The following MEN1 variants were observed in gnomAD, a reference collection of about 807,000 sequenced individuals.
MEN1 encodes the protein menin 1.
Under a neutral mutation model 58.0 loss-of-function variants are expected in MEN1, and 6 were observed. The observed-to-expected ratio is 0.10, with a 90% CI of 0.06 to 0.20. The LOEUF (loss-of-function observed/expected upper bound fraction) is 0.20. Among genes scored for constraint, MEN1 ranks in the 10% least tolerant of loss-of-function variants. The probability of loss-of-function intolerance (pLI) is 1.00; values close to 1 mark genes in which losing one functional copy is unlikely to be tolerated. For missense variants in MEN1, 492 were observed against 818.5 expected (o/e 0.60, Z 4.87); for synonymous variants, 346 against 350.7 (o/e 0.99, Z 0.15).
chr11:64,807,230 AAGG>A lies in MEN1; in HGVS notation c.784-14_784-12del. On this transcript the variant is annotated splice_polypyrimidine_tract_variant and intron_variant, in intron 4 of 9. Transcript: ENST00000450708. This position sits in a 1 kb window ranked among gnomAD's most constrained non-coding sequence, Gnocchi z 4.9. ...CAGCCAGAGCAGCTTCTAGGAGCCG[AAGG>A]AGAGAGTTATGAGCCACGGAACAGG... The A allele has an allele frequency of 6.2e-7, 1 of 1,612,550 alleles. No individual in the cohort carries two copies. Among genetic ancestry groups the A allele is most frequent in the Non-Finnish European group, 8.5e-7 (1 of 1,179,750 alleles).
intron 2 of MEN1, among the ~76,000 whole-genome samples, chr11:64,809,257 C>T (rs922378570): frequency 1.0e-5 from 1 of 95,412 alleles, no homozygotes; most frequent in African/African-American, 3.5e-5. Flanking sequence ...GAGTGAGACC[C>T]TGTCTCAAAA....
chr11:64,806,081 A>T, intron 7 of MEN1, 151 bp downstream of exon 7: 1 of 993,850 alleles, frequency 1.0e-6, no homozygotes, highest in Non-Finnish European at 1.5e-6. Flanking sequence ...CAGGGTCCCT[A>T]CCTCCTGGGT....
At chr11:64,810,372 C>T in intron 1 of MEN1, 142 bp downstream of exon 1, 1 of 548,110 alleles carries the variant, frequency 1.8e-6, no homozygotes. Flanking sequence ...GCGCCCCAAG[C>T]ACCCCAATGA....
intron 6 of MEN1, among the ~76,000 whole-genome samples, chr11:64,806,756 G>A (rs1941759063): frequency 6.6e-6 from 1 of 152,156 alleles, no homozygotes; most frequent in South Asian, 2.1e-4. Context: ...TATACTCCAG[G>A]AAGGACAGTA....
rs150202288 is a variant in MEN1, at chr11:64,804,627, G to T, written c.1540C>A (p.Pro514Thr). The T allele has an allele frequency of 1.3e-5, 21 of 1,606,582 alleles. No homozygotes were observed. The highest frequency in any genetic ancestry group is 1.6e-5 in the Non-Finnish European group (19 of 1,178,128). Reference sequence around the variant, plus strand: ...ACAGTCCCAGGAGGCTTCCGGGGGGGTCCTGACACTGCACCCTGGCCGGTG... The same window carrying T: ...ACAGTCCCAGGAGGCTTCCGGGGGGTTCCTGACACTGCACCCTGGCCGGTG... ...LGTGQGAVSG[P>T]PRKPPGTVAG... The change falls in exon 10 of 10, where the codon CCC becomes ACC. Residue 514 changes from proline (P) to threonine (T), a missense_variant. Physicochemically the swap from Pro to Thr is conservative, Grantham distance 38 (BLOSUM62 -1). Transcript: ENST00000450708. This position sits in a 1 kb window ranked among gnomAD's most constrained non-coding sequence, Gnocchi z 4.2.
chr11:64,810,145 C>G lies in MEN1; in HGVS notation c.-23-13G>C, dbSNP rs757883651. 8 of 890,602 alleles carry G rather than the reference C, an allele frequency of 9.0e-6. No individual in the cohort carries two copies. The highest frequency in any genetic ancestry group is 4.6e-5 in the Admixed American group (2 of 43,168). The allele number at this position is 890,602 out of a possible 1,614,324, so 55.2% of individuals were successfully genotyped here. On this transcript the variant is annotated splice_polypyrimidine_tract_variant and intron_variant, in intron 1 of 9. Coordinates refer to ENST00000450708, the MANE Select transcript of MEN1 (RefSeq NM_001370259.2). ...GGTGGGCGGCGGCCTGCAAGGCAAGCCGGGGGAGGGAGGGTCGGGCAGGTT... is the reference window on the plus strand; with the variant it reads ...GGTGGGCGGCGGCCTGCAAGGCAAGGCGGGGGAGGGAGGGTCGGGCAGGTT...
chr11:64,807,008 C>T lies in MEN1; in HGVS notation c.912+3G>A. The T allele has an allele frequency of 1.2e-6, 2 of 1,612,572 alleles. No individual in the cohort carries two copies. Among genetic ancestry groups the T allele is most frequent in the Non-Finnish European group, 1.7e-6 (2 of 1,179,872 alleles). On this transcript the variant is annotated splice_donor_region_variant and intron_variant, in intron 6 of 9. Transcript: ENST00000450708. The surrounding 1 kb of genome is among the most constrained non-coding windows in gnomAD (Gnocchi z 4.9). ...CTTCTGCACCCTCCTTAGATGCCCC[C>T]ACCTTGTGGTAGAGGGTGAGTGGGT...
chr11:64,808,140 T>G lies in MEN1; in HGVS notation c.446-41A>C, dbSNP rs767395130. On this transcript the variant is annotated intron_variant, in intron 2 of 9. Coordinates refer to ENST00000450708, the MANE Select transcript of MEN1 (RefSeq NM_001370259.2). ...GTAATGAAAGAGGGTCCTCTGTGCT[T>G]TAACATGGGGAAAGGGGGCCAGGTA... The G allele has an allele frequency of 2.9e-5, 45 of 1,550,090 alleles. No individual in the cohort carries two copies. In the Middle Eastern group the frequency reaches 2.0e-3, roughly 69 times the overall value.
At position 64,807,519 on chromosome 11, in the gene MEN1, A is replaced by G. The variant is rs778673727; in HGVS notation, c.783+33T>C. 3 of 1,613,182 alleles carry G rather than the reference A, an allele frequency of 1.9e-6. No homozygotes were observed. ...TCCCACAGCAAGTCAAGTCTGGCCT[A>G]GCCCAGTCCTGCCCCATTGGCTCAG... On this transcript the variant is annotated intron_variant, in intron 4 of 9. Transcript: ENST00000450708. This position sits in a 1 kb window ranked among gnomAD's most constrained non-coding sequence, Gnocchi z 4.9.
At chr11:64,810,706 C>G (rs997566740), upstream of MEN1, 1 of 152,942 alleles carries the variant, frequency 6.5e-6, no homozygotes, top group Non-Finnish European at 1.5e-5. Flanking sequence ...AGGTCCGCGG[C>G]TCCGGACACC....
In MEN1 at chr11:64,806,215, A is replaced by C; in HGVS notation, c.1049+17T>G. The C allele has an allele frequency of 1.9e-6, 3 of 1,613,936 alleles. No homozygotes were observed. The highest frequency in any genetic ancestry group is 2.5e-6 in the Non-Finnish European group (3 of 1,179,964). On this transcript the variant is annotated intron_variant, in intron 7 of 9. Transcript: ENST00000450708. ...GAAGAAAGGACAGGCTGCAGGCCCTAGTAGGGGGATCCTCACTCCTGGATG... is the reference window on the plus strand; with the variant it reads ...GAAGAAAGGACAGGCTGCAGGCCCTCGTAGGGGGATCCTCACTCCTGGATG...
Position 64,807,730 on chromosome 11 carries a change from T to G in MEN1, c.655-50A>C. On this transcript the variant is annotated intron_variant, in intron 3 of 9. Transcript: ENST00000450708. This position sits in a 1 kb window ranked among gnomAD's most constrained non-coding sequence, Gnocchi z 4.9. ...GTCTCATGATGGCCCACCCTGTGCC[T>G]GCTTCAGGGAATGACAGCCAGGAAA... 6.2e-7 allele frequency: 1 copy of G among 1,613,736 alleles called. No individual in the cohort carries two copies. The highest frequency in any genetic ancestry group is 8.5e-7 in the Non-Finnish European group (1 of 1,179,862).
rs1592633463 is a variant in MEN1 at position 64,804,753 on chromosome 11, CCCACGGCTCCTCGG to C, written c.1400_1413del (p.Ala467GlyfsTer59). The C allele has an allele frequency of 6.3e-7, 1 of 1,597,276 alleles. No homozygotes were observed. Among genetic ancestry groups the C allele is most frequent in the Non-Finnish European group, 8.5e-7 (1 of 1,178,884 alleles). On this transcript the variant is annotated frameshift_variant, in exon 10 of 10. Coordinates refer to ENST00000450708, the MANE Select transcript of MEN1 (RefSeq NM_001370259.2). LOFTEE classifies it high-confidence loss of function. This position sits in a 1 kb window ranked among gnomAD's most constrained non-coding sequence, Gnocchi z 4.2. ...CGCCGGCCTTCCCGGGCTTCCTCGCCCCACGGCTCCTCGGCCTCGGCCGCCTCGGCCTCTCGGCT... is the reference window on the plus strand; with the variant it reads ...CGCCGGCCTTCCCGGGCTTCCTCGCCCCTCGGCCGCCTCGGCCTCTCGGCT...
intron 6 of MEN1, 85 bp downstream of exon 6, chr11:64,806,926 G>T: frequency 8.1e-7 from 1 of 1,231,004 alleles, no homozygotes; most frequent in Non-Finnish European, 1.2e-6. Flanking sequence ...AACACACAAA[G>T]TTCTCTTCTC....
rs558144799 is a variant in MEN1 at position 64,806,936 on chromosome 11, C to T, written c.912+75G>A. 17 of 1,334,632 alleles carry T rather than the reference C, an allele frequency of 1.3e-5. No individual in the cohort carries two copies. The East Asian group carries it at 3.2e-4, about 25-fold the overall frequency. The allele number at this position is 1,334,632 out of a possible 1,614,324, so 82.7% of individuals were successfully genotyped here. ...CCCCCAACACACAAAGTTCTCTTCT[C>T]ATCTGCCCAGATGAGGGCCCCTGCC... On this transcript the variant is annotated intron_variant, in intron 6 of 9. Transcript: ENST00000450708.
At position 64,803,700 on chromosome 11, in the gene MEN1, C is replaced by T. The variant is rs1234332034; in HGVS notation, c.*634G>A. 4.1e-6 allele frequency: 1 copy of T among 242,120 alleles called. No homozygotes were observed. 15.0% of individuals were successfully genotyped at this position (242,120 alleles called of 1,614,324 possible). ...TCGGAAGGGAGGTCCTGCTCTGATC[C>T]GGGGCCAGTTTCGTCAGGAAGAGGG... On this transcript the variant is annotated 3_prime_UTR_variant, in exon 10 of 10. Coordinates refer to ENST00000450708, the MANE Select transcript of MEN1 (RefSeq NM_001370259.2).
At chr11:64,805,219 G>A (rs796246378) in intron 8 of MEN1, 21 bp from the exon 9 acceptor site, 3 of 1,611,766 alleles carry the variant, frequency 1.9e-6, no homozygotes, top group Non-Finnish European at 2.5e-6. Context: ...GGGAAGGGAG[G>A]GCACAGATCA....
chr11:64,809,552 A>C (rs908162077), intron 2 of MEN1, 113 bp downstream of exon 2: 33 of 1,363,856 alleles, frequency 2.4e-5, no homozygotes, highest in Admixed American at 8.2e-5. Flanking sequence ...CAAAGAGGAA[A>C]ATAACACCTG....
In MEN1 at chr11:64,807,308, A is replaced by G. The variant is rs2136137088; in HGVS notation, c.784-89T>C. 1.4e-6 allele frequency: 2 copies of G among 1,452,350 alleles called. No homozygotes were observed. Among genetic ancestry groups the G allele is most frequent in the Non-Finnish European group, 1.9e-6 (2 of 1,059,664 alleles). 90.0% of individuals were successfully genotyped at this position (1,452,350 alleles called of 1,614,324 possible). On this transcript the variant is annotated intron_variant, in intron 4 of 9. Transcript: ENST00000450708. This position sits in a 1 kb window ranked among gnomAD's most constrained non-coding sequence, Gnocchi z 4.9. ...CGGGCAGAGGTGGGGGTCAGAACCA[A>G]CAGGGACCACCCACCATGTGGAAGG... is the stretch of plus-strand genomic sequence containing the variant.
Sources: gnomAD v4.1 joint callset for allele counts (sites outside exome capture counted in the v4.1 genomes callset) on GRCh38, gnomAD v4.1.1 for gene constraint, Gnocchi (gnomAD v3.1) non-coding constraint, MANE v1.5 for transcripts, NCBI Gene and HGNC (gene_info 2026-07-23, HGNC 2026-07-21) for gene names.